The following MCF2L2 variants were observed in gnomAD, a reference collection of about 807,000 sequenced individuals.
The protein encoded by MCF2L2 is MCF.2 cell line derived transforming sequence-like 2.
MCF2L2 carries 102 observed loss-of-function variants against 150.2 expected under a neutral mutation model. The observed-to-expected ratio is 0.68, with a 90% confidence interval of 0.58 to 0.80. The LOEUF (loss-of-function observed/expected upper bound fraction) is 0.80. Ranked by LOEUF, MCF2L2 falls within the 30% of genes least tolerant of loss-of-function variation. The pLI is 0.00. For missense variants in MCF2L2, 1,256 were observed against 1,372.8 expected (o/e 0.91, Z 1.34); for synonymous variants, 465 against 491.3 (o/e 0.95, Z 0.71).
At position 183,178,862 on chromosome 3, in the gene MCF2L2, C is replaced by T. The variant is rs555518181; in HGVS notation, c.*518G>A. 489 of 152,692 alleles carry T rather than the reference C, an allele frequency of 3.2e-3. 1 individual carries two copies. Among genetic ancestry groups the T allele is most frequent in the Non-Finnish European group, 3.9e-3 (266 of 68,280 alleles). 9.5% of individuals were successfully genotyped at this position (152,692 alleles called of 1,614,324 possible). On this transcript the variant is annotated 3_prime_UTR_variant, in exon 30 of 30. Transcript: ENST00000328913. ...ACCGGGAGCTCCCAGTCTGCGGCCC[C>T]CGCCGGGTTGGAGCGGCTCCGGCTC...
At chr3:183,361,430 G>A (rs1353284356) in intron 3 of MCF2L2, among the ~76,000 whole-genome samples, 1 of 152,142 alleles carries the variant, frequency 6.6e-6, no homozygotes, top group Non-Finnish European at 1.5e-5. Flanking sequence ...GATCATGGGG[G>A]CAGATTTCCC....
chr3:183,379,393 C>G lies in MCF2L2; in HGVS notation c.179G>C (p.Gly60Ala). The stretch of plus-strand genomic sequence containing the variant: ...CTCTGGGAACGTGATGATGGGGGCG[C>G]CATCCTCCCCTCGGCCTCCTGCAAC... ...AILSGGRGED[G>A]APIITFPEFS... Residue 60 changes from glycine to alanine, a missense_variant, in exon 3 of 30, where the codon GGC becomes GCC. Coordinates refer to ENST00000328913, the MANE Select transcript of MCF2L2 (RefSeq NM_015078.4). The G allele has an allele frequency of 6.2e-7, 1 of 1,610,018 alleles. No homozygotes were observed. Among genetic ancestry groups the G allele is most frequent in the Non-Finnish European group, 8.5e-7 (1 of 1,178,316 alleles).
chr3:183,222,511 T>C (rs930537375), intron 20 of MCF2L2, among the ~76,000 whole-genome samples: 13 of 151,910 alleles, frequency 8.6e-5, no homozygotes, highest in Admixed American at 2.0e-4. Flanking sequence ...GATCGCGCCA[T>C]TGCACTCCAG....
At chr3:183,370,360 C>T (rs895442981) in intron 3 of MCF2L2, among the ~76,000 whole-genome samples, 8 of 152,220 alleles carry the variant, frequency 5.3e-5, no homozygotes, top group Non-Finnish European at 7.3e-5. Flanking sequence ...GAGCAATGCC[C>T]GGGTGGGGCA....
At chr3:183,302,344 T>C (rs1301827031) in intron 10 of MCF2L2, among the ~76,000 whole-genome samples, 3 of 152,184 alleles carry the variant, frequency 2.0e-5, no homozygotes, top group African/African-American at 7.2e-5. Flanking sequence ...TTGGGAGCGC[T>C]CTGCATACAA....
intron 3 of MCF2L2, among the ~76,000 whole-genome samples, chr3:183,362,157 T>G (rs890624431): frequency 1.3e-5 from 2 of 150,430 alleles, no homozygotes; most frequent in Non-Finnish European, 2.9e-5. Flanking sequence ...CAGGCTAGAG[T>G]GCAGTGGTGT....
At chr3:183,196,829 G>A (rs1436979884) in intron 25 of MCF2L2, among the ~76,000 whole-genome samples, 1 of 152,066 alleles carries the variant, frequency 6.6e-6, no homozygotes, top group Non-Finnish European at 1.5e-5. Context: ...CTGGGTCCTG[G>A]TTTTGCTTCT....
intron 5 of MCF2L2, among the ~76,000 whole-genome samples, chr3:183,329,744 C>A (rs1340413588): frequency 6.6e-6 from 1 of 152,174 alleles, no homozygotes; most frequent in African/African-American, 2.4e-5. Context: ...CTGAGAAAAT[C>A]GCCATTAGGC....
intron 2 of MCF2L2, among the ~76,000 whole-genome samples, chr3:183,381,543 T>C (rs919276512): frequency 3.9e-5 from 6 of 152,212 alleles, no homozygotes; most frequent in Non-Finnish European, 8.8e-5. Flanking sequence ...TGAGCAAACA[T>C]AAGTATATTA....
intron 26 of MCF2L2, among the ~76,000 whole-genome samples, chr3:183,194,495 G>A (rs986629572): frequency 3.9e-5 from 6 of 152,178 alleles, no homozygotes; most frequent in African/African-American, 9.6e-5. Flanking sequence ...AGGGGAAGCC[G>A]GAGGAGGTAA....
chr3:183,388,952 TTTTCA>T (rs923199474), intron 2 of MCF2L2, among the ~76,000 whole-genome samples: 6 of 152,358 alleles, frequency 3.9e-5, no homozygotes, highest in Admixed American at 1.3e-4. Context: ...TTTGTTGTTT[TTTTCA>T]GAACAGATGT....
rs1032737709 is a variant in MCF2L2, at chr3:183,280,412, G to C, written c.1777-3455C>G. ...AATAGCTGATTTTCAATCGATTATT[G>C]AAATTGTTTTTTTTTTCTTCCCTAA... On this transcript the variant is annotated intron_variant, in intron 14 of 29. Coordinates refer to ENST00000328913, the MANE Select transcript of MCF2L2 (RefSeq NM_015078.4). 1.1e-4 allele frequency among the ~76,000 whole-genome samples: 17 copies of C among 151,590 alleles called. No individual in the cohort carries two copies. In the East Asian group the frequency reaches 2.7e-3, roughly 24 times the overall value.
intron 13 of MCF2L2, among the ~76,000 whole-genome samples, chr3:183,290,544 T>TC (rs1690632935): frequency 6.6e-6 from 1 of 152,098 alleles, no homozygotes; most frequent in East Asian, 1.9e-4. Flanking sequence ...TTTCTTTCTT[T>TC]TTTTTTTTGA....
chr3:183,253,179 G>GC (rs1266717932), intron 15 of MCF2L2: 2 of 9,732 alleles, frequency 2.1e-4, no homozygotes, highest in African/African-American at 9.8e-4. Flanking sequence ...CCGGGCTCGG[G>GC]CCGTGACGCC....
At chr3:183,377,645 G>A (rs1425956933) in intron 3 of MCF2L2, 2 of 152,174 alleles carry the variant, frequency 1.3e-5, no homozygotes, top group Admixed American at 1.3e-4. Context: ...AACTTCCATA[G>A]GCAAAGGTAA....
chr3:183,204,918 G>A (rs771809999), intron 25 of MCF2L2, among the ~76,000 whole-genome samples: 5 of 152,190 alleles, frequency 3.3e-5, no homozygotes, highest in Non-Finnish European at 7.3e-5. Flanking sequence ...CCATATATGT[G>A]ATGTGTAGAG....
chr3:183,400,510 C>T (rs748313448), intron 1 of MCF2L2: 6 of 456,046 alleles, frequency 1.3e-5, no homozygotes, highest in Admixed American at 4.7e-5. Flanking sequence ...CAGGAAACGG[C>T]GCCACCTCGC....
At chr3:183,211,183 T>C (rs1021665068) in intron 22 of MCF2L2, among the ~76,000 whole-genome samples, 1 of 152,116 alleles carries the variant, frequency 6.6e-6, no homozygotes, top group Non-Finnish European at 1.5e-5. Flanking sequence ...ACTTGACATA[T>C]ACAGGCGGGT....
rs1377116026 is a variant in MCF2L2 at position 183,351,227 on chromosome 3, TA to T, written c.276-9598del. On this transcript the variant is annotated intron_variant, in intron 3 of 29. Coordinates refer to ENST00000328913, the MANE Select transcript of MCF2L2 (RefSeq NM_015078.4). ...ATATATATATATATATATATATATA[TA>T]TATATATATTTATTTATTTATTTAT... Among the ~76,000 whole-genome samples, 618 of 95,288 alleles carry T rather than the reference TA, an allele frequency of 6.5e-3. 10 individuals are homozygous for T. The highest frequency in any genetic ancestry group is 0.025 in the African/African-American group (457 of 18,424). 62.5% of individuals were successfully genotyped at this position (95,288 alleles called of 152,430 possible).
Sources: allele counts gnomAD v4.1 joint callset (sites outside exome capture counted in the v4.1 genomes callset), GRCh38; gene constraint gnomAD v4.1.1; transcripts MANE v1.5; gene names NCBI Gene and HGNC (gene_info 2026-07-23, HGNC 2026-07-21).